The following DCLK1 variants were observed in gnomAD, a reference collection of about 807,000 sequenced individuals.
The protein encoded by DCLK1 is doublecortin like kinase 1.
Under a neutral mutation model 86.2 loss-of-function variants are expected in DCLK1, and 16 were observed. That is an observed-to-expected ratio of 0.19 (90% CI 0.13 to 0.28). The LOEUF is 0.28. Ranked by LOEUF, DCLK1 falls within the 10% of genes least tolerant of loss-of-function variation. The pLI is 1.00. For missense variants in DCLK1, 590 were observed against 940.2 expected, an observed-to-expected ratio of 0.63 and a Z score of 4.87; for synonymous variants, 369 against 370.5, an observed-to-expected ratio of 1.00 and a Z score of 0.05.
At chr13:36,032,308 A>AT (rs1882315758) in intron 3 of DCLK1, among the ~76,000 whole-genome samples, 1 of 151,630 alleles carries the variant, frequency 6.6e-6, no homozygotes, top group African/African-American at 2.4e-5. Context: ...GGCCCGGCTA[A>AT]TTTTTTGTAT....
intron 16 of DCLK1, among the ~76,000 whole-genome samples, chr13:35,777,787 T>C (rs141380056): frequency 2.2e-4 from 33 of 152,324 alleles, no homozygotes; most frequent in African/African-American, 7.2e-4. Flanking sequence ...CTCAGAGATG[T>C]TCCAGAGGGT....
Position 36,098,560 on chromosome 13 carries a change from CA to C in DCLK1, c.723+13308del, listed in dbSNP as rs758951025. ...TAGCATAAAGCTTCACTTTTGTCTT[CA>C]AAAAAAAAGTAATTTTAAGACCTAG... is the stretch of plus-strand genomic sequence containing the variant. On this transcript the variant is annotated intron_variant, in intron 3 of 16. Transcript: ENST00000360631. Among the ~76,000 whole-genome samples the C allele has an allele frequency of 3.3e-5, 5 of 150,894 alleles. No homozygotes were observed. The South Asian group carries it at 6.3e-4, about 19-fold the overall frequency.
chr13:35,911,289 G>A (rs1411901390), intron 4 of DCLK1, among the ~76,000 whole-genome samples: 3 of 137,728 alleles, frequency 2.2e-5, no homozygotes, highest in African/African-American at 6.0e-5. Context: ...GCGAGATTCC[G>A]TCAAAAAAAA....
At position 35,966,556 on chromosome 13, in the gene DCLK1, C is replaced by T. The variant is rs1440060293; in HGVS notation, c.724-19099G>A. On this transcript the variant is annotated intron_variant, in intron 3 of 16. Transcript: ENST00000360631. ...TGCACGGTCTCCCTCTGATGCTGAGCGGAGGCTGGACTGTACTGCCGCCAT... is the reference window on the plus strand; with the variant it reads ...TGCACGGTCTCCCTCTGATGCTGAGTGGAGGCTGGACTGTACTGCCGCCAT... 7.2e-5 allele frequency among the ~76,000 whole-genome samples: 10 copies of T among 139,262 alleles called. No individual in the cohort carries two copies. In the South Asian group the frequency reaches 1.8e-3, roughly 25 times the overall value. 91.4% of individuals were successfully genotyped at this position (139,262 alleles called of 152,430 possible).
rs543591727 is a variant in DCLK1 at position 35,919,789 on chromosome 13, C to T, written c.823+27569G>A. ...TAGCCTGGGCAACACAGTGAGACCC[C>T]ACCCCTCTCAAAAAAAATTTTTTTT... On this transcript the variant is annotated intron_variant, in intron 4 of 16. Coordinates refer to ENST00000360631, the MANE Select transcript of DCLK1 (RefSeq NM_001330071.2). Among the ~76,000 whole-genome samples, 267 of 150,928 alleles carry T rather than the reference C, an allele frequency of 1.8e-3. 1 individual carries two copies. Among genetic ancestry groups the T allele is most frequent in the African/African-American group, 6.2e-3 (253 of 41,080 alleles).
intron 3 of DCLK1, among the ~76,000 whole-genome samples, chr13:36,102,882 C>T (rs990328867): frequency 6.6e-6 from 1 of 152,132 alleles, no homozygotes; most frequent in Non-Finnish European, 1.5e-5. Context: ...AAAAGAGGCT[C>T]TACAGACAAG....
intron 4 of DCLK1, among the ~76,000 whole-genome samples, chr13:35,941,054 A>G (rs749908933): frequency 2.0e-5 from 3 of 152,314 alleles, no homozygotes; most frequent in Non-Finnish European, 4.4e-5. Context: ...GGGAATAGGA[A>G]GCAGGCTTGG....
chr13:35,968,795 A>G (rs1449962908), intron 3 of DCLK1, among the ~76,000 whole-genome samples: 1 of 152,156 alleles, frequency 6.6e-6, no homozygotes, highest in Non-Finnish European at 1.5e-5. Flanking sequence ...ACAAAACAAG[A>G]AGAAAAAACC....
chr13:35,946,917 T>C lies in DCLK1; in HGVS notation c.823+441A>G, dbSNP rs1378083676. On this transcript the variant is annotated intron_variant, in intron 4 of 16. Transcript: ENST00000360631. Reference sequence around the variant, plus strand: ...ACAGATGCTAATGCCACATGAATTCTACAGTATTTAAAGGAAAAAGGGAAA... The same window carrying C: ...ACAGATGCTAATGCCACATGAATTCCACAGTATTTAAAGGAAAAAGGGAAA... Among the ~76,000 whole-genome samples, 3 of 152,142 alleles carry C rather than the reference T, an allele frequency of 2.0e-5. No individual in the cohort carries two copies. The East Asian group carries it at 5.8e-4, about 29-fold the overall frequency.
intron 16 of DCLK1, chr13:35,788,243 A>G: frequency 1.2e-6 from 2 of 1,614,010 alleles, no homozygotes; most frequent in Non-Finnish European, 1.7e-6. Context: ...TGCTGGTAGT[A>G]GTCCAAAGAC....
At chr13:35,997,938 T>G (rs1880542585) in intron 3 of DCLK1, among the ~76,000 whole-genome samples, 1 of 152,186 alleles carries the variant, frequency 6.6e-6, no homozygotes, top group Non-Finnish European at 1.5e-5. Context: ...CAGTCTACTT[T>G]CCCACTAAGT....
At chr13:36,024,112 T>TCAA (rs1881929075) in intron 3 of DCLK1, among the ~76,000 whole-genome samples, 1 of 151,608 alleles carries the variant, frequency 6.6e-6, no homozygotes, top group East Asian at 1.9e-4. Context: ...GCAAGGCTGG[T>TCAA]CTCAAACTCC....
chr13:36,054,519 T>C (rs1298187046), intron 3 of DCLK1, among the ~76,000 whole-genome samples: 2 of 152,070 alleles, frequency 1.3e-5, no homozygotes, highest in Non-Finnish European at 2.9e-5. Flanking sequence ...CCATTCTACT[T>C]GGGAGAGGGG....
At chr13:35,804,591 C>T (rs2086989467) in intron 15 of DCLK1, among the ~76,000 whole-genome samples, 1 of 151,950 alleles carries the variant, frequency 6.6e-6, no homozygotes, top group South Asian at 2.1e-4. Context: ...CACCACCACA[C>T]CCAGCTAATT....
At chr13:36,055,918 G>C (rs896199309) in intron 3 of DCLK1, among the ~76,000 whole-genome samples, 1 of 152,120 alleles carries the variant, frequency 6.6e-6, no homozygotes, top group Non-Finnish European at 1.5e-5. Context: ...ATTCTAACTG[G>C]TGTGAGATGA....
chr13:35,810,744 T>C (rs2087124866), intron 12 of DCLK1, 91 bp downstream of exon 12: 1 of 1,438,324 alleles, frequency 7.0e-7, no homozygotes, highest in African/African-American at 1.5e-5. Flanking sequence ...TAATTATGTC[T>C]GGATAGGGCA....
intron 3 of DCLK1, among the ~76,000 whole-genome samples, chr13:35,951,958 C>T (rs1401157158): frequency 6.6e-6 from 1 of 152,132 alleles, no homozygotes; most frequent in Non-Finnish European, 1.5e-5. Flanking sequence ...AAGCTGTTCC[C>T]TAAGAGCACA....
chr13:35,990,070 C>T (rs1880153176), intron 3 of DCLK1, among the ~76,000 whole-genome samples: 2 of 152,080 alleles, frequency 1.3e-5, no homozygotes, highest in Non-Finnish European at 2.9e-5. Flanking sequence ...GAAGGTGGCA[C>T]ACTCGTGATG....
At chr13:35,835,409 T>C (rs1407420201) in intron 8 of DCLK1, among the ~76,000 whole-genome samples, 2 of 152,190 alleles carry the variant, frequency 1.3e-5, no homozygotes, top group Admixed American at 6.5e-5. Context: ...TGATACCGAG[T>C]GGAGGGCTTG....
Sources: allele counts gnomAD v4.1 joint callset (sites outside exome capture counted in the v4.1 genomes callset), GRCh38; gene constraint gnomAD v4.1.1; transcripts MANE v1.5; gene names NCBI Gene and HGNC (gene_info 2026-07-23, HGNC 2026-07-21).